Variants in CACNA1D observed in about 807,000 individuals in gnomAD.
CACNA1D encodes the protein calcium voltage-gated channel subunit alpha1 D, also known as voltage-dependent L-type calcium channel subunit alpha-1D.
A neutral mutation model predicts 257.1 loss-of-function variants in CACNA1D; 55 were observed. That is an observed-to-expected ratio of 0.21 (90% CI 0.17 to 0.27). The LOEUF is 0.27. CACNA1D is among the 10% of genes least tolerant of loss of function. The pLI is 1.00. For missense variants in CACNA1D, 1,876 were observed against 2,784.0 expected (o/e 0.67, Z 7.34); for synonymous variants, 980 against 1,014.9 (o/e 0.97, Z 0.65).
At chr3:53,643,429 T>C (rs2093984494) in intron 3 of CACNA1D, among the ~76,000 whole-genome samples, 1 of 152,048 alleles carries the variant, frequency 6.6e-6, no homozygotes. Flanking sequence ...CTGAAACGTG[T>C]AGGGTCGTGA....
chr3:53,696,387 T>C (rs1159359127), intron 8 of CACNA1D, among the ~76,000 whole-genome samples: 2 of 152,210 alleles, frequency 1.3e-5, no homozygotes, highest in Non-Finnish European at 2.9e-5. Flanking sequence ...TGCATGGCCT[T>C]GTGTGCCCAC....
intron 30 of CACNA1D, among the ~76,000 whole-genome samples, chr3:53,763,909 C>T (rs2095317843): frequency 6.6e-6 from 1 of 152,058 alleles, no homozygotes; most frequent in Non-Finnish European, 1.5e-5. Flanking sequence ...ATAAAATGAT[C>T]GGAATATTCG....
rs769036950 is a variant in CACNA1D at position 53,647,503 on chromosome 3, C to T, written c.484-3276C>T. Among the ~76,000 whole-genome samples, 36 of 152,296 alleles carry T rather than the reference C, an allele frequency of 2.4e-4. No homozygotes were observed. In the South Asian group the frequency reaches 7.1e-3, roughly 30 times the overall value. ...GCTTCCATCAGTCGTGGCCACAGAC[C>T]TCAGTGTCCTCTATGTGTCACCTCT... On this transcript the variant is annotated intron_variant, in intron 3 of 47. Transcript: ENST00000350061.
chr3:53,786,945 C>A lies in CACNA1D; in HGVS notation c.4916C>A (p.Ala1639Asp). 1.9e-6 allele frequency: 3 copies of A among 1,613,984 alleles called. No individual in the cohort carries two copies. Among genetic ancestry groups the A allele is most frequent in the Non-Finnish European group, 2.5e-6 (3 of 1,179,852 alleles). ...GKYPAKNTTI[A>D]LQAGLRTLHD... ...TACCCTGCGAAGAACACCACAATTG[C>A]CCTACAGGTGAATTGTTGTCTCATT... is the stretch of plus-strand genomic sequence containing the variant. Residue 1639 changes from alanine to aspartate, a missense_variant, in exon 40 of 48, where the codon GCC (alanine) becomes GAC (aspartate). By Grantham distance (126) the Ala-to-Asp change is moderately radical (BLOSUM62 -2). Transcript: ENST00000350061.
intron 46 of CACNA1D, 103 bp downstream of exon 46, chr3:53,808,873 G>A: frequency 8.2e-7 from 1 of 1,219,516 alleles, no homozygotes; most frequent in South Asian, 1.3e-5. Context: ...AGGAGGGAAG[G>A]AGAGAATCTT....
intron 40 of CACNA1D, chr3:53,791,288 T>C (rs1576678194): frequency 2.5e-6 from 1 of 406,094 alleles, no homozygotes; most frequent in East Asian, 4.1e-5. Flanking sequence ...AGCTTAACAG[T>C]TTTCCCTTCC....
chr3:53,536,078 C>T (rs935812914), intron 3 of CACNA1D, among the ~76,000 whole-genome samples: 3 of 152,078 alleles, frequency 2.0e-5, no homozygotes, highest in Non-Finnish European at 2.9e-5. Context: ...TATGGTTGGA[C>T]CTAAGATAAC....
chr3:53,796,169 C>T, intron 40 of CACNA1D: 1 of 312,928 alleles, frequency 3.2e-6, no homozygotes, highest in Non-Finnish European at 6.6e-6. Flanking sequence ...GGTCCCCTCT[C>T]ATTGGGTATA....
intron 3 of CACNA1D, among the ~76,000 whole-genome samples, chr3:53,610,951 TTTTG>T (rs1272291922): frequency 6.6e-6 from 1 of 152,234 alleles, no homozygotes; most frequent in Non-Finnish European, 1.5e-5. Flanking sequence ...TCCTCTCAGC[TTTTG>T]TTTGTTGAAT....
intron 9 of CACNA1D, among the ~76,000 whole-genome samples, chr3:53,713,243 T>C (rs1251262881): frequency 6.6e-6 from 1 of 152,022 alleles, no homozygotes; most frequent in African/African-American, 2.4e-5. Context: ...AGGTCAGAGG[T>C]AAATGGATCT....
chr3:53,747,581 A>C (rs2095182772), intron 26 of CACNA1D, 133 bp downstream of exon 26: 1 of 891,092 alleles, frequency 1.1e-6, no homozygotes, highest in Admixed American at 1.9e-5. Flanking sequence ...ACCTTGGGCC[A>C]CTTCTCAGTC....
chr3:53,630,057 A>G (rs535105424), intron 3 of CACNA1D, among the ~76,000 whole-genome samples: 60 of 152,226 alleles, frequency 3.9e-4, no homozygotes, highest in Non-Finnish European at 6.3e-4. Context: ...TGGTTACTTT[A>G]AAAAGCCAGT....
In CACNA1D at chr3:53,811,364, G is replaced by A. The variant is rs373851693; in HGVS notation, c.6444G>A (p.Glu2148=). 1.0e-4 allele frequency: 161 copies of A among 1,590,690 alleles called. 1 individual carries two copies. In the East Asian group the frequency reaches 1.9e-3, roughly 18 times the overall value. Residue 2148 remains glutamate (E), a synonymous_variant, in exon 48 of 48, where the codon GAG becomes GAA. Coordinates refer to ENST00000350061, the MANE Select transcript of CACNA1D (RefSeq NM_001128840.3). The surrounding 1 kb of genome is among the most constrained non-coding windows in gnomAD (Gnocchi z 4.2). ...AAGAGCCAGACCCTGGGAGGGATGA[G>A]GAGGACCTGGCGGATGAAATGATAT... ...SDEEPDPGRD[E]EDLADEMICI... is the part of the protein sequence containing the mutation.
At chr3:53,562,349 C>T (rs370313693) in intron 3 of CACNA1D, among the ~76,000 whole-genome samples, 1 of 152,102 alleles carries the variant, frequency 6.6e-6, no homozygotes, top group Non-Finnish European at 1.5e-5. Flanking sequence ...TGAGCACTGC[C>T]ATTGTGTTCA....
At chr3:53,581,435 A>G (rs2107749749) in intron 3 of CACNA1D, among the ~76,000 whole-genome samples, 1 of 152,296 alleles carries the variant, frequency 6.6e-6, no homozygotes, top group South Asian at 2.1e-4. Context: ...AGGTACATTC[A>G]CATCACACAC....
At chr3:53,771,440 G>A (rs1398026146) in intron 32 of CACNA1D, among the ~76,000 whole-genome samples, 1 of 152,158 alleles carries the variant, frequency 6.6e-6, no homozygotes, top group African/African-American at 2.4e-5. Context: ...CTCCCAGTAA[G>A]CATTTGTCCC....
At chr3:53,799,504 T>C (rs911302287) in intron 40 of CACNA1D, among the ~76,000 whole-genome samples, 12 of 152,218 alleles carry the variant, frequency 7.9e-5, no homozygotes, top group Non-Finnish European at 1.2e-4. Context: ...CAGGGGTGTC[T>C]TCTGGTGGGT....
chr3:53,674,581 AC>A (rs1033406879), intron 8 of CACNA1D, among the ~76,000 whole-genome samples: 2 of 152,078 alleles, frequency 1.3e-5, no homozygotes, highest in African/African-American at 2.4e-5. Flanking sequence ...TGGAAAGGGA[AC>A]TCCTTATGTT....
chr3:53,649,932 G>C (rs1242314546), intron 3 of CACNA1D, among the ~76,000 whole-genome samples: 1 of 152,210 alleles, frequency 6.6e-6, no homozygotes, highest in Non-Finnish European at 1.5e-5. Flanking sequence ...TTTTAGACTT[G>C]CTGATTGGTA....
Sources: allele counts gnomAD v4.1 joint callset (sites outside exome capture counted in the v4.1 genomes callset), GRCh38; gene constraint gnomAD v4.1.1; non-coding constraint Gnocchi (gnomAD v3.1); transcripts MANE v1.5; gene names NCBI Gene and HGNC (gene_info 2026-07-23, HGNC 2026-07-21).